SNAPC3: variants seen among roughly 807,000 people sequenced by gnomAD.
SNAPC3 encodes small nuclear RNA activating complex polypeptide 3, also known as snRNA-activating protein complex subunit 3.
SNAPC3 carries 56 observed loss-of-function variants against 47.7 expected under a neutral mutation model. That is an observed-to-expected ratio of 1.18 (90% confidence interval 0.95 to 1.47). SNAPC3 has a LOEUF of 1.47. Among genes scored for constraint, SNAPC3 ranks in the 40% most tolerant of loss-of-function variants. The probability of loss-of-function intolerance (pLI) is 0.00; values close to 1 mark genes in which losing one functional copy is unlikely to be tolerated. For missense variants in SNAPC3, 665 were observed against 511.3 expected (o/e 1.30, Z -2.90); for synonymous variants, 235 against 189.9 (o/e 1.24, Z -1.95).
At chr9:15,424,065 T>A in intron 2 of SNAPC3, 79 bp downstream of exon 2, 1 of 776,628 alleles carries the variant, frequency 1.3e-6, no homozygotes, top group Non-Finnish European at 2.1e-6. Flanking sequence ...GAAAGTGCAG[T>A]ATTGATTGTT....
chr9:15,431,940 AC>A (rs1314730985), intron 2 of SNAPC3: 7 of 128,106 alleles, frequency 5.5e-5, no homozygotes, highest in South Asian at 2.4e-4. Context: ...TCATCCATGC[AC>A]AGGGGCCGTG....
At chr9:15,457,421 C>A (rs1393353703) in intron 7 of SNAPC3, among the ~76,000 whole-genome samples, 1 of 151,972 alleles carries the variant, frequency 6.6e-6, no homozygotes, top group Non-Finnish European at 1.5e-5. Flanking sequence ...ATAGTGAGAC[C>A]GTGTCTCTAC....
chr9:15,441,383 C>CTTTTTCTTT (rs2033351598), intron 3 of SNAPC3, among the ~76,000 whole-genome samples: 4 of 59,574 alleles, frequency 6.7e-5, no homozygotes, highest in Non-Finnish European at 1.2e-4. Context: ...GTTCCCTTTT[C>CTTTTTCTTT]TTTTTTTTTT....
intron 5 of SNAPC3, among the ~76,000 whole-genome samples, chr9:15,448,052 G>C (rs928247575): frequency 3.3e-5 from 5 of 152,124 alleles, no homozygotes; most frequent in African/African-American, 1.2e-4. Context: ...TACAACTCTG[G>C]CAGAGGGCCT....
chr9:15,454,516 G>T (rs1337795731), intron 7 of SNAPC3, among the ~76,000 whole-genome samples: 1 of 152,170 alleles, frequency 6.6e-6, no homozygotes, highest in Non-Finnish European at 1.5e-5. Flanking sequence ...TTTGATCAAG[G>T]GTCTGGAGCC....
intron 8 of SNAPC3, among the ~76,000 whole-genome samples, chr9:15,458,643 C>T (rs2034978797): frequency 6.6e-6 from 1 of 151,990 alleles, no homozygotes; most frequent in South Asian, 2.1e-4. Context: ...GATTATAAGG[C>T]ATTTCTTACT....
intron 2 of SNAPC3, among the ~76,000 whole-genome samples, chr9:15,430,282 A>G (rs925254121): frequency 2.6e-5 from 4 of 152,204 alleles, no homozygotes; most frequent in Middle Eastern, 3.4e-3. Context: ...AATAAAAACA[A>G]TTAGCCAGCT....
downstream of SNAPC3, chr9:15,464,858 C>G (rs948388514): frequency 1.4e-5 from 3 of 209,672 alleles, no homozygotes; most frequent in Non-Finnish European, 2.9e-5. Flanking sequence ...ACTAAATTAC[C>G]TTCAAAAATT....
At chr9:15,464,950 C>T, downstream of SNAPC3, 1 of 215,836 alleles carries the variant, frequency 4.6e-6, no homozygotes, top group Non-Finnish European at 9.4e-6. Context: ...ATACAGAGCA[C>T]ACATTGTTCC....
intron 5 of SNAPC3, 103 bp downstream of exon 5, chr9:15,447,347 C>T (rs981617050): frequency 4.1e-6 from 4 of 986,282 alleles, no homozygotes; most frequent in East Asian, 2.5e-5. Flanking sequence ...TTTTCTTCTC[C>T]TGCGGGATTC....
chr9:15,452,493 T>C (rs969540215), intron 6 of SNAPC3, among the ~76,000 whole-genome samples: 1 of 152,134 alleles, frequency 6.6e-6, no homozygotes, highest in African/African-American at 2.4e-5. Flanking sequence ...TGATTTTGTA[T>C]TTTTAGTAGA....
At chr9:15,425,840 A>C (rs1343518284) in intron 2 of SNAPC3, among the ~76,000 whole-genome samples, 1 of 152,134 alleles carries the variant, frequency 6.6e-6, no homozygotes, top group Non-Finnish European at 1.5e-5. Context: ...AAAGGCCTCT[A>C]AGGAGTGGAC....
In SNAPC3 at chr9:15,446,781, A is replaced by G. The variant is rs543992853; in HGVS notation, c.583-314A>G. ...GAACAATTCCAGTAGGTTTGGTGGC[A>G]GAGGGGCTGTCCCTTGTAGCCTGGT... On this transcript the variant is annotated intron_variant, in intron 4 of 8. Coordinates refer to ENST00000380821, the MANE Select transcript of SNAPC3 (RefSeq NM_001039697.2). 1.1e-4 allele frequency among the ~76,000 whole-genome samples: 16 copies of G among 152,286 alleles called. No homozygotes were observed. In the South Asian group the frequency reaches 3.3e-3, roughly 32 times the overall value.
downstream of SNAPC3, chr9:15,465,534 T>C (rs774525649): frequency 3.5e-5 from 55 of 1,577,030 alleles, no homozygotes; most frequent in Middle Eastern, 1.7e-4. Context: ...TTATCTAGTG[T>C]AGAATCCTTC....
At chr9:15,456,102 G>A (rs1201952007) in intron 7 of SNAPC3, among the ~76,000 whole-genome samples, 5 of 152,072 alleles carry the variant, frequency 3.3e-5, no homozygotes, top group East Asian at 1.9e-4. Context: ...TCGAACTCCC[G>A]ACCTCAGGTG....
intron 3 of SNAPC3, among the ~76,000 whole-genome samples, chr9:15,434,302 C>T (rs2032528023): frequency 1.3e-5 from 2 of 152,152 alleles, no homozygotes; most frequent in South Asian, 2.1e-4. Context: ...CACCAGTTTT[C>T]CCTCCTGCAG....
intron 2 of SNAPC3, among the ~76,000 whole-genome samples, chr9:15,432,248 A>C (rs901103459): frequency 6.6e-6 from 1 of 152,206 alleles, no homozygotes. Context: ...GTATAAACTC[A>C]TAGTTTTAAA....
At chr9:15,464,836 C>T (rs41306098), downstream of SNAPC3, 8,435 of 208,328 alleles carry the variant, frequency 0.04, 194 homozygotes, top group South Asian at 0.067. Flanking sequence ...TCACTGAATG[C>T]CCAGCCACAA....
intron 7 of SNAPC3, chr9:15,453,422 G>T: frequency 2.3e-6 from 1 of 431,338 alleles, no homozygotes; most frequent in Admixed American, 4.1e-5. Flanking sequence ...AAATCTTTAA[G>T]AAATACTTTA....
Sources: gnomAD v4.1 joint callset for allele counts (sites outside exome capture counted in the v4.1 genomes callset) on GRCh38, gnomAD v4.1.1 for gene constraint, MANE v1.5 for transcripts, NCBI Gene and HGNC (gene_info 2026-07-23, HGNC 2026-07-21) for gene names.